Variants in COL26A1 observed in about 807,000 individuals in gnomAD.
COL26A1 encodes collagen type XXVI alpha 1 chain.
In COL26A1, 41 loss-of-function variants were observed where a neutral mutation model predicts 59.3. The ratio of observed to expected loss-of-function variants is 0.69; its 90% confidence interval spans 0.54 to 0.90. The LOEUF (loss-of-function observed/expected upper bound fraction) is 0.90. Among genes scored for constraint, COL26A1 ranks in the 40% least tolerant of loss-of-function variants. The pLI is 0.00. For missense variants in COL26A1, 612 were observed against 602.3 expected (o/e 1.02, Z -0.17); for synonymous variants, 266 against 256.0 (o/e 1.04, Z -0.37).
intron 3 of COL26A1, among the ~76,000 whole-genome samples, chr7:101,499,770 T>A (rs921476357): frequency 6.6e-6 from 1 of 151,542 alleles, no homozygotes; most frequent in African/African-American, 2.4e-5. Flanking sequence ...CTAGCTAATC[T>A]GGAGGCTGAG....
chr7:101,535,296 G>T (rs969751712), intron 4 of COL26A1, among the ~76,000 whole-genome samples: 58 of 152,172 alleles, frequency 3.8e-4, no homozygotes, highest in African/African-American at 1.4e-3. Context: ...GTAAGCTTCT[G>T]GCACCTGAGA....
chr7:101,470,462 A>C (rs1009366443), intron 3 of COL26A1, among the ~76,000 whole-genome samples: 3 of 151,566 alleles, frequency 2.0e-5, no homozygotes, highest in Non-Finnish European at 2.9e-5. Context: ...TTTCTTCTCT[A>C]TGTCTGCTGC....
intron 2 of COL26A1, among the ~76,000 whole-genome samples, chr7:101,430,102 A>G (rs1792744316): frequency 6.6e-6 from 1 of 151,782 alleles, no homozygotes; most frequent in Non-Finnish European, 1.5e-5. Flanking sequence ...ATTTACTTAG[A>G]TCTCTTTTTA....
chr7:101,556,118 G>A (rs1795970539), intron 12 of COL26A1, among the ~76,000 whole-genome samples: 1 of 152,168 alleles, frequency 6.6e-6, no homozygotes, highest in African/African-American at 2.4e-5. Flanking sequence ...GCCCAGCCAT[G>A]TTGAGGCCCC....
intron 2 of COL26A1, among the ~76,000 whole-genome samples, chr7:101,433,672 G>C (rs945249620): frequency 1.3e-5 from 2 of 152,118 alleles, no homozygotes; most frequent in East Asian, 1.9e-4. Context: ...GGCAGGCGGG[G>C]AAAGGACAGC....
At chr7:101,425,217 T>C (rs1792616132) in intron 2 of COL26A1, among the ~76,000 whole-genome samples, 1 of 147,990 alleles carries the variant, frequency 6.8e-6, no homozygotes, top group Non-Finnish European at 1.5e-5. Context: ...AAACCCTGTC[T>C]CTACTAAAAA....
chr7:101,468,309 A>T (rs559725861), intron 3 of COL26A1, among the ~76,000 whole-genome samples: 1 of 152,270 alleles, frequency 6.6e-6, no homozygotes, highest in African/African-American at 2.4e-5. Context: ...CTCAAAAAAA[A>T]AAAAATAAAA....
At chr7:101,401,726 GA>G (rs1792009343) in intron 1 of COL26A1, among the ~76,000 whole-genome samples, 1 of 147,122 alleles carries the variant, frequency 6.8e-6, no homozygotes, top group Non-Finnish European at 1.5e-5. Flanking sequence ...AAGAGGAGGA[GA>G]AGGAAGAGAA....
chr7:101,493,135 A>C (rs762802684), intron 3 of COL26A1, among the ~76,000 whole-genome samples: 11 of 152,194 alleles, frequency 7.2e-5, no homozygotes, highest in African/African-American at 9.6e-5. Flanking sequence ...TCAGCCGGGA[A>C]ATGTCAGAGC....
At chr7:101,362,613 G>A (rs1205919421), upstream of COL26A1, among the ~76,000 whole-genome samples, 3 of 152,312 alleles carry the variant, frequency 2.0e-5, no homozygotes, top group Non-Finnish European at 4.4e-5. Flanking sequence ...CACAGAATGG[G>A]CGCTCCGAAA....
intron 3 of COL26A1, among the ~76,000 whole-genome samples, chr7:101,512,035 G>A (rs1485705388): frequency 2.0e-5 from 3 of 151,984 alleles, no homozygotes; most frequent in Non-Finnish European, 4.4e-5. Flanking sequence ...AGACACAACC[G>A]AATTCATAAG....
intron 3 of COL26A1, among the ~76,000 whole-genome samples, chr7:101,512,750 C>G (rs967606261): frequency 5.3e-5 from 8 of 152,202 alleles, no homozygotes; most frequent in Admixed American, 4.6e-4. Flanking sequence ...CTATTCAAAT[C>G]CAGCAGTGCA....
chr7:101,491,235 C>T (rs886452881), intron 3 of COL26A1, among the ~76,000 whole-genome samples: 2 of 152,012 alleles, frequency 1.3e-5, no homozygotes, highest in East Asian at 3.9e-4. Context: ...TTGTGTATTG[C>T]CTCCCAACTC....
chr7:101,394,585 C>CTTTTT lies in COL26A1; in HGVS notation c.159-25378_159-25374dup, dbSNP rs59966789. On this transcript the variant is annotated intron_variant, in intron 1 of 12. Coordinates refer to ENST00000313669, the MANE Select transcript of COL26A1 (RefSeq NM_001278563.3). Reference sequence around the variant, plus strand: ...CCACGCCTAGCTATTTTTTTCTTTTCTTTTTTTTTTTTTTTTTTGTAGAGA... The same window carrying CTTTTT: ...CCACGCCTAGCTATTTTTTTCTTTTCTTTTTTTTTTTTTTTTTTTTTTTGTAGAGA... Among the ~76,000 whole-genome samples, 265 of 122,692 alleles carry CTTTTT rather than the reference C, an allele frequency of 2.2e-3. 1 individual carries two copies. The highest frequency in any genetic ancestry group is 3.4e-3 in the East Asian group (14 of 4,078). The allele number at this position is 122,692 out of a possible 152,430, so 80.5% of individuals were successfully genotyped here.
At chr7:101,533,452 C>A (rs2130640652) in intron 4 of COL26A1, among the ~76,000 whole-genome samples, 1 of 152,148 alleles carries the variant, frequency 6.6e-6, no homozygotes, top group African/African-American at 2.4e-5. Flanking sequence ...GAGTCTCTGT[C>A]CCTCCAGGGC....
chr7:101,378,818 C>T (rs965836337), intron 1 of COL26A1, among the ~76,000 whole-genome samples: 8 of 152,202 alleles, frequency 5.3e-5, no homozygotes, highest in Non-Finnish European at 1.2e-4. Flanking sequence ...CAGTTCCCAG[C>T]CCCTTGGAGG....
At chr7:101,507,537 T>C (rs1794837578) in intron 3 of COL26A1, among the ~76,000 whole-genome samples, 1 of 146,234 alleles carries the variant, frequency 6.8e-6, no homozygotes, top group East Asian at 1.9e-4. Context: ...TCCTCCCACT[T>C]CCCCATCCTG....
At chr7:101,386,174 A>T (rs576074613) in intron 1 of COL26A1, among the ~76,000 whole-genome samples, 1 of 151,634 alleles carries the variant, frequency 6.6e-6, no homozygotes, top group Admixed American at 6.6e-5. Context: ...ATGATGCTGC[A>T]GTTGGCCAGA....
At chr7:101,367,876 G>A (rs546989836) in intron 1 of COL26A1, among the ~76,000 whole-genome samples, 2 of 152,254 alleles carry the variant, frequency 1.3e-5, no homozygotes, top group African/African-American at 4.8e-5. Flanking sequence ...TCAGTCTGTG[G>A]TATTCTGTTA....
Sources: gnomAD v4.1 joint callset for allele counts (sites outside exome capture counted in the v4.1 genomes callset) on GRCh38, gnomAD v4.1.1 for gene constraint, MANE v1.5 for transcripts, NCBI Gene and HGNC (gene_info 2026-07-23, HGNC 2026-07-21) for gene names.